Variants in WWOX observed in about 807,000 individuals in gnomAD.
WWOX encodes the protein WW domain containing oxidoreductase.
WWOX carries 69 observed loss-of-function variants against 46.2 expected under a neutral mutation model. The observed-to-expected ratio is 1.49, with a 90% CI of 1.23 to 1.82. WWOX has a LOEUF of 1.82. Among genes scored for constraint, WWOX ranks in the 40% most tolerant of loss-of-function variants. The pLI is 0.00. For synonymous variants in WWOX, 359 were observed against 202.6 expected (o/e 1.77, Z -6.56); for missense variants, 919 against 542.6 (o/e 1.69, Z -6.89).
intron 8 of WWOX, among the ~76,000 whole-genome samples, chr16:78,509,156 T>C (rs1047211016): frequency 2.0e-5 from 3 of 152,210 alleles, no homozygotes; most frequent in Non-Finnish European, 2.9e-5. Flanking sequence ...TAATTGAAGC[T>C]TGCCGGGCAT....
intron 8 of WWOX, among the ~76,000 whole-genome samples, chr16:78,477,954 A>C (rs1303075756): frequency 2.0e-5 from 3 of 152,212 alleles, no homozygotes; most frequent in Non-Finnish European, 4.4e-5. Flanking sequence ...TAGAATTACC[A>C]GGGGAAAGAA....
intron 5 of WWOX, among the ~76,000 whole-genome samples, chr16:78,311,614 C>G (rs188573324): frequency 5.3e-5 from 8 of 152,164 alleles, no homozygotes; most frequent in Admixed American, 4.6e-4. Flanking sequence ...GATGAGTGGG[C>G]CTAAAGAATC....
chr16:78,267,241 G>A (rs909190240), intron 5 of WWOX: 3 of 152,086 alleles, frequency 2.0e-5, no homozygotes, highest in Non-Finnish European at 4.4e-5. Context: ...CCACACACAC[G>A]TAATTTTTGT....
chr16:78,517,955 A>G (rs146528241), intron 8 of WWOX, among the ~76,000 whole-genome samples: 6 of 144,636 alleles, frequency 4.1e-5, no homozygotes, highest in African/African-American at 1.5e-4. Context: ...TGAGTGGCAG[A>G]TATGTGTGGA....
At chr16:78,375,098 C>G (rs1465697243) in intron 5 of WWOX, among the ~76,000 whole-genome samples, 1 of 152,194 alleles carries the variant, frequency 6.6e-6, no homozygotes, top group Non-Finnish European at 1.5e-5. Context: ...AAAATATTTT[C>G]CAGTTTATCT....
chr16:79,143,396 A>G (rs12449066), intron 8 of WWOX, among the ~76,000 whole-genome samples: 14,741 of 152,214 alleles, frequency 0.097, 910 homozygotes, highest in South Asian at 0.13. Context: ...CTGAAGATCA[A>G]TCATTGTAAC....
At chr16:78,509,624 T>G (rs2085307901) in intron 8 of WWOX, among the ~76,000 whole-genome samples, 2 of 152,134 alleles carry the variant, frequency 1.3e-5, no homozygotes, top group Admixed American at 1.3e-4. Flanking sequence ...GGATACCAAC[T>G]TGGGTGCTGA....
chr16:78,660,390 T>A (rs898148018), intron 8 of WWOX, among the ~76,000 whole-genome samples: 3 of 152,120 alleles, frequency 2.0e-5, no homozygotes, highest in African/African-American at 7.2e-5. Context: ...ATTGGAGACA[T>A]TGATATGCTT....
At chr16:78,554,751 C>T (rs764346677) in intron 8 of WWOX, among the ~76,000 whole-genome samples, 111 of 152,236 alleles carry the variant, frequency 7.3e-4, no homozygotes, top group Middle Eastern at 6.8e-3. Flanking sequence ...TCCTCAGCTC[C>T]CTTCTTCTCT....
intron 8 of WWOX, among the ~76,000 whole-genome samples, chr16:78,884,296 A>G (rs75521712): frequency 1.3e-5 from 2 of 150,656 alleles, no homozygotes; most frequent in African/African-American, 4.9e-5. Flanking sequence ...AAAAAAAACA[A>G]AAGACCATTT....
At chr16:78,150,495 CAGCTTCCTGAGTAGCTGGG>C (rs1470304917) in intron 4 of WWOX, among the ~76,000 whole-genome samples, 1 of 152,216 alleles carries the variant, frequency 6.6e-6, no homozygotes, top group Non-Finnish European at 1.5e-5. Context: ...CCTCCTGCCT[CAGCTTCCTGAGTAGCTGGG>C]ACTACAGTTG....
chr16:79,111,529 G>A (rs969076243), intron 8 of WWOX, among the ~76,000 whole-genome samples: 1 of 152,094 alleles, frequency 6.6e-6, no homozygotes, highest in Non-Finnish European at 1.5e-5. Context: ...TAGTCATCAT[G>A]GTTTCACTTT....
At chr16:78,407,397 C>A (rs1053854842) in intron 6 of WWOX, among the ~76,000 whole-genome samples, 3 of 152,160 alleles carry the variant, frequency 2.0e-5, no homozygotes, top group African/African-American at 7.2e-5. Context: ...CATTCCTTTG[C>A]TGTGTCTGAA....
intron 8 of WWOX, among the ~76,000 whole-genome samples, chr16:78,917,791 GT>G (rs1447272345): frequency 3.9e-5 from 6 of 151,994 alleles, no homozygotes; most frequent in African/African-American, 1.5e-4. Flanking sequence ...AGTTTTTAAA[GT>G]TTGAGAAAAA....
At chr16:78,817,983 G>A (rs2051385517) in intron 8 of WWOX, among the ~76,000 whole-genome samples, 1 of 152,228 alleles carries the variant, frequency 6.6e-6, no homozygotes, top group African/African-American at 2.4e-5. Flanking sequence ...TGGAAGGGAA[G>A]AAAACGAAGA....
intron 8 of WWOX, 84 bp downstream of exon 8, chr16:78,432,836 C>T (rs971820235): frequency 1.3e-5 from 21 of 1,595,774 alleles, no homozygotes; most frequent in Admixed American, 5.0e-5. Context: ...TTACCTCTTG[C>T]GGGCATGAGT....
At chr16:78,103,192 G>C (rs1384673391) in intron 1 of WWOX, among the ~76,000 whole-genome samples, 2 of 151,024 alleles carry the variant, frequency 1.3e-5, no homozygotes, top group Non-Finnish European at 2.9e-5. Context: ...CTTTCCTCCA[G>C]CCCTCCCGAC....
intron 8 of WWOX, among the ~76,000 whole-genome samples, chr16:78,520,810 G>A (rs970082195): frequency 2.6e-5 from 4 of 152,270 alleles, no homozygotes; most frequent in East Asian, 1.9e-4. Flanking sequence ...TTTTCTGTTC[G>A]TGGCCTCTGG....
At chr16:78,548,169 AAAAAAAAAAT>A (rs1567636434) in intron 8 of WWOX, among the ~76,000 whole-genome samples, 9 of 73,534 alleles carry the variant, frequency 1.2e-4, no homozygotes, top group Non-Finnish European at 3.2e-4. Context: ...AAAAAAAAAA[AAAAAAAAAAT>A]TACGAATTTT....
Sources: gnomAD v4.1 joint callset for allele counts (sites outside exome capture counted in the v4.1 genomes callset) on GRCh38, gnomAD v4.1.1 for gene constraint, MANE v1.5 for transcripts, NCBI Gene and HGNC (gene_info 2026-07-23, HGNC 2026-07-21) for gene names.